The following NDUFAF2 variants were observed in gnomAD, a reference collection of about 807,000 sequenced individuals.
The protein encoded by NDUFAF2 is NADH:ubiquinone oxidoreductase complex assembly factor 2, also known as NADH dehydrogenase [ubiquinone] 1 alpha subcomplex assembly factor 2.
A neutral mutation model predicts 22.8 loss-of-function variants in NDUFAF2; 13 were observed. The ratio of observed to expected loss-of-function variants is 0.57; its 90% CI spans 0.37 to 0.91. The LOEUF (loss-of-function observed/expected upper bound fraction) is 0.91. Ranked by LOEUF, NDUFAF2 falls within the 40% of genes least tolerant of loss-of-function variation. The probability of loss-of-function intolerance (pLI) is 0.01; values close to 1 mark genes in which losing one functional copy is unlikely to be tolerated. For synonymous variants in NDUFAF2, 53 were observed against 64.2 expected, an observed-to-expected ratio of 0.83 and a Z score of 0.84; for missense variants, 162 against 195.2, an observed-to-expected ratio of 0.83 and a Z score of 1.01.
chr5:61,016,652 T>C (rs1751515217), intron 1 of NDUFAF2, among the ~76,000 whole-genome samples: 1 of 152,210 alleles, frequency 6.6e-6, no homozygotes, highest in Admixed American at 6.5e-5. Flanking sequence ...TGTCCTCCGC[T>C]ATTGTGGTAG....
intron 3 of NDUFAF2, among the ~76,000 whole-genome samples, chr5:61,118,306 A>G (rs1463212923): frequency 1.3e-5 from 2 of 152,302 alleles, no homozygotes; most frequent in South Asian, 2.1e-4. Flanking sequence ...ATCAATAAAA[A>G]TTAGTGAAGG....
chr5:60,990,283 A>G (rs1751141403), intron 1 of NDUFAF2, among the ~76,000 whole-genome samples: 1 of 152,168 alleles, frequency 6.6e-6, no homozygotes, highest in South Asian at 2.1e-4. Flanking sequence ...ACAATAACTA[A>G]AAGAGTATAA....
chr5:61,031,398 A>G (rs1004171861), intron 1 of NDUFAF2, among the ~76,000 whole-genome samples: 2 of 151,966 alleles, frequency 1.3e-5, no homozygotes, highest in African/African-American at 4.8e-5. Flanking sequence ...GAGTGAGAAT[A>G]TGTGGTGTTT....
intron 3 of NDUFAF2, among the ~76,000 whole-genome samples, chr5:61,138,108 C>G (rs1561137375): frequency 6.6e-6 from 1 of 152,196 alleles, no homozygotes; most frequent in Non-Finnish European, 1.5e-5. Context: ...CAAGTCCTTC[C>G]TTGAAGAAGG....
chr5:60,964,971 G>A (rs535240404), intron 1 of NDUFAF2, among the ~76,000 whole-genome samples: 8 of 151,960 alleles, frequency 5.3e-5, no homozygotes, highest in East Asian at 1.9e-4. Context: ...TTTTCTGTCC[G>A]TTCCTCATGT....
intron 2 of NDUFAF2, among the ~76,000 whole-genome samples, chr5:61,079,688 A>G (rs1167067486): frequency 1.3e-5 from 2 of 152,212 alleles, no homozygotes; most frequent in African/African-American, 4.8e-5. Flanking sequence ...GGTTTTTCTC[A>G]TAGATGCCTT....
chr5:60,990,194 A>T, intron 1 of NDUFAF2, among the ~76,000 whole-genome samples: 1 of 152,172 alleles, frequency 6.6e-6, no homozygotes, highest in East Asian at 1.9e-4. Context: ...TGGTTGCAAA[A>T]ATATACAGAA....
intron 1 of NDUFAF2, among the ~76,000 whole-genome samples, chr5:60,946,601 A>G (rs1409218597): frequency 3.9e-5 from 6 of 152,218 alleles, no homozygotes; most frequent in East Asian, 1.9e-4. Context: ...TTTCTTTTCC[A>G]TAAGTTGTCA....
intron 1 of NDUFAF2, among the ~76,000 whole-genome samples, chr5:60,980,570 G>A (rs1314485291): frequency 2.6e-5 from 4 of 151,988 alleles, no homozygotes; most frequent in Non-Finnish European, 4.4e-5. Flanking sequence ...TCAGAAGTTC[G>A]AGACCATCCT....
intron 1 of NDUFAF2, among the ~76,000 whole-genome samples, chr5:60,973,860 A>G (rs867275524): frequency 6.6e-5 from 10 of 152,084 alleles, no homozygotes; most frequent in Non-Finnish European, 1.0e-4. Flanking sequence ...GTTGGAGTAG[A>G]GTGGCATGAT....
chr5:61,112,734 T>G (rs1238209686), intron 3 of NDUFAF2, among the ~76,000 whole-genome samples: 1 of 152,164 alleles, frequency 6.6e-6, no homozygotes, highest in Non-Finnish European at 1.5e-5. Flanking sequence ...AGAGAATTCA[T>G]GCTATTTACA....
Position 61,107,046 on chromosome 5 carries a change from TACACACACACACACACAC to T in NDUFAF2, c.258+8042_258+8059del, listed in dbSNP as rs59521177. On this transcript the variant is annotated intron_variant, in intron 3 of 3. Transcript: ENST00000296597. ...TGATTTCCTTTCCTTTGGATAAATA[TACACACACACACACACAC>T]ACACACACACACACACACACACACA... Among the ~76,000 whole-genome samples, 73 of 123,938 alleles carry T rather than the reference TACACACACACACACACAC, an allele frequency of 5.9e-4. 3 individuals carry two copies. Among genetic ancestry groups the T allele is most frequent in the African/African-American group, 2.2e-3 (69 of 31,428 alleles). 81.3% of individuals were successfully genotyped at this position (123,938 alleles called of 152,430 possible). A position where few individuals can be genotyped will look rare whatever the true frequency, so the allele number is the denominator to read the frequency against.
At chr5:61,074,264 T>C (rs990239271) in intron 2 of NDUFAF2, among the ~76,000 whole-genome samples, 1 of 152,080 alleles carries the variant, frequency 6.6e-6, no homozygotes, top group Non-Finnish European at 1.5e-5. Flanking sequence ...CCAGCCTGGC[T>C]AACATGGTGA....
At chr5:60,964,938 TC>T (rs1173675689) in intron 1 of NDUFAF2, among the ~76,000 whole-genome samples, 1 of 152,158 alleles carries the variant, frequency 6.6e-6, no homozygotes, top group Non-Finnish European at 1.5e-5. Context: ...ATGACCTTCA[TC>T]AACTAAATCC....
At chr5:60,972,341 A>G (rs1750844399) in intron 1 of NDUFAF2, among the ~76,000 whole-genome samples, 1 of 151,670 alleles carries the variant, frequency 6.6e-6, no homozygotes, top group African/African-American at 2.4e-5. Context: ...CCCACTTGTC[A>G]AGGGCGGGAT....
At chr5:61,062,267 A>G (rs933288500) in intron 1 of NDUFAF2, among the ~76,000 whole-genome samples, 1 of 152,192 alleles carries the variant, frequency 6.6e-6, no homozygotes, top group Non-Finnish European at 1.5e-5. Context: ...AACCTGAGGA[A>G]ACTCATTAAG....
At chr5:61,141,579 C>A (rs967992156) in intron 3 of NDUFAF2, among the ~76,000 whole-genome samples, 1 of 152,106 alleles carries the variant, frequency 6.6e-6, no homozygotes, top group Non-Finnish European at 1.5e-5. Context: ...CCTCTTTGTT[C>A]CTCAAAGATG....
chr5:61,136,037 A>ATATATATATATCTATATC (rs1561136700), intron 3 of NDUFAF2, among the ~76,000 whole-genome samples: 1 of 94,668 alleles, frequency 1.1e-5, no homozygotes, highest in Admixed American at 1.1e-4. Context: ...ATATATATAT[A>ATATATATATATCTATATC]TATATCTAGG....
chr5:60,950,127 G>C (rs1275171505), intron 1 of NDUFAF2, among the ~76,000 whole-genome samples: 1 of 152,116 alleles, frequency 6.6e-6, no homozygotes, highest in African/African-American at 2.4e-5. Context: ...TTGAATAAGA[G>C]TGGTGAGCAT....
Sources: gnomAD v4.1 joint callset for allele counts (sites outside exome capture counted in the v4.1 genomes callset) on GRCh38, gnomAD v4.1.1 for gene constraint, MANE v1.5 for transcripts, NCBI Gene and HGNC (gene_info 2026-07-23, HGNC 2026-07-21) for gene names.